The following RTL4 variants were observed in gnomAD, a reference collection of about 807,000 sequenced individuals.
RTL4 encodes the protein retrotransposon Gag-like protein 4.
A neutral mutation model predicts 5.3 loss-of-function variants in RTL4; 4 were observed. That is an observed-to-expected ratio of 0.75 (90% confidence interval 0.37 to 1.72). The LOEUF is 1.72. Ranked by LOEUF, RTL4 falls within the 40% of genes most tolerant of loss-of-function variation. The probability of loss-of-function intolerance (pLI) is 0.04; values close to 1 mark genes in which losing one functional copy is unlikely to be tolerated. For missense variants in RTL4, 260 were observed against 227.1 expected (o/e 1.14, Z -0.93); for synonymous variants, 98 against 87.3 (o/e 1.12, Z -0.68).
chrX:112,358,887 C>G, the RTL4 span, among the ~76,000 whole-genome samples: 1 of 111,674 alleles, frequency 9.0e-6, no homozygotes. Flanking sequence ...TTCATTTAGG[C>G]CAATCAGTGT....
the RTL4 span, among the ~76,000 whole-genome samples, chrX:112,284,338 A>C: frequency 9.0e-6 from 1 of 110,585 alleles, no homozygotes; most frequent in African/African-American, 3.3e-5. Flanking sequence ...TTTCTCACTT[A>C]TGGGTTGTGT....
the RTL4 span, among the ~76,000 whole-genome samples, chrX:112,329,761 T>G: frequency 9.0e-6 from 1 of 110,986 alleles, no homozygotes; most frequent in Non-Finnish European, 1.9e-5. Flanking sequence ...AAATCCTCAA[T>G]AAAATACTGG....
the RTL4 span, among the ~76,000 whole-genome samples, chrX:112,229,914 C>G: frequency 9.7e-4 from 109 of 111,993 alleles, no homozygotes; most frequent in Non-Finnish European, 1.7e-3. Flanking sequence ...GAGTACCCGG[C>G]CGTGTGAGGT....
chrX:112,215,963 G>A, the RTL4 span, among the ~76,000 whole-genome samples: 3 of 111,755 alleles, frequency 2.7e-5, no homozygotes, highest in South Asian at 1.1e-3. Flanking sequence ...TTTTTTAAAG[G>A]TTTTCAAATT....
At chrX:112,137,498 G>A in the RTL4 span, among the ~76,000 whole-genome samples, 1 of 111,725 alleles carries the variant, frequency 9.0e-6, no homozygotes, top group South Asian at 3.8e-4. Context: ...AGTGTGTGAA[G>A]GAGGAACTGT....
chrX:112,351,244 ATTTCTG>A, the RTL4 span, among the ~76,000 whole-genome samples: 1 of 108,483 alleles, frequency 9.2e-6, no homozygotes, highest in African/African-American at 3.4e-5. Context: ...GTTTGTTATA[ATTTCTG>A]TTCTTTTACA....
chrX:112,321,862 A>G, the RTL4 span, among the ~76,000 whole-genome samples: 1 of 111,573 alleles, frequency 9.0e-6, no homozygotes, highest in Admixed American at 9.6e-5. Flanking sequence ...ATATGTTTCA[A>G]TGGATTGAAC....
chrX:112,384,543 C>T, the RTL4 span, among the ~76,000 whole-genome samples: 1 of 111,235 alleles, frequency 9.0e-6, no homozygotes, highest in Non-Finnish European at 1.9e-5. Flanking sequence ...ATTTCTGAGG[C>T]CTCTGTTCCA....
the RTL4 span, among the ~76,000 whole-genome samples, chrX:112,116,955 A>G: frequency 8.9e-6 from 1 of 112,136 alleles, no homozygotes; most frequent in African/African-American, 3.2e-5. Flanking sequence ...ACTAAAGGCC[A>G]TACAAGGAGT....
At chrX:112,387,508 G>A in the RTL4 span, among the ~76,000 whole-genome samples, 1 of 110,766 alleles carries the variant, frequency 9.0e-6, no homozygotes, top group Non-Finnish European at 1.9e-5. Context: ...AAAAATCACT[G>A]CAGTCTGGCT....
At chrX:112,393,370 A>G in the RTL4 span, among the ~76,000 whole-genome samples, 4 of 109,446 alleles carry the variant, frequency 3.7e-5, no homozygotes, top group South Asian at 7.9e-4. Flanking sequence ...TCTGCCCCCA[A>G]TCAGCTGGTG....
At chrX:112,382,193 A>T in the RTL4 span, 2 of 1,190,772 alleles carry the variant, frequency 1.7e-6, no homozygotes, top group Non-Finnish European at 2.3e-6. Flanking sequence ...AGTCTTCCCC[A>T]AGGCACCAAA....
At chrX:112,434,826 A>T in the RTL4 span, among the ~76,000 whole-genome samples, 1,121 of 111,456 alleles carry the variant, frequency 0.01, 5 homozygotes, top group Middle Eastern at 0.018. Context: ...TCTTGGGTAT[A>T]TTAGTCTGTT....
chrX:112,233,972 C>G, the RTL4 span, among the ~76,000 whole-genome samples: 1 of 110,659 alleles, frequency 9.0e-6, no homozygotes, highest in African/African-American at 3.3e-5. Flanking sequence ...GCAGGCAGAT[C>G]GCAAGGTCAG....
At chrX:112,409,389 A>G in the RTL4 span, among the ~76,000 whole-genome samples, 1 of 111,623 alleles carries the variant, frequency 9.0e-6, no homozygotes, top group Non-Finnish European at 1.9e-5. Flanking sequence ...CCTCATGGTA[A>G]CCTCAAATCA....
At chrX:112,227,189 A>G in the RTL4 span, among the ~76,000 whole-genome samples, 1 of 110,484 alleles carries the variant, frequency 9.1e-6, no homozygotes, top group African/African-American at 3.3e-5. Flanking sequence ...ACTACACCTC[A>G]CTAAGCTGCA....
At chrX:112,169,092 CT>C in the RTL4 span, among the ~76,000 whole-genome samples, 1 of 37,986 alleles carries the variant, frequency 2.6e-5, no homozygotes, top group Admixed American at 3.8e-4. Flanking sequence ...TCTTTTCTTT[CT>C]TTCTTTCTTT....
upstream of RTL4, among the ~76,000 whole-genome samples, chrX:112,453,874 T>C (rs1373996379): frequency 1.8e-5 from 2 of 111,558 alleles, no homozygotes; most frequent in African/African-American, 6.5e-5. Context: ...GCACGAACCA[T>C]CATCATGTCC....
the RTL4 span, among the ~76,000 whole-genome samples, chrX:112,265,058 A>G: frequency 8.9e-6 from 1 of 111,934 alleles, no homozygotes; most frequent in South Asian, 3.7e-4. Context: ...GCCACAGCTG[A>G]CAGGTTCCAA....
Sources: gnomAD v4.1 joint callset for allele counts (sites outside exome capture counted in the v4.1 genomes callset) on GRCh38, gnomAD v4.1.1 for gene constraint, MANE v1.5 for transcripts, NCBI Gene and HGNC (gene_info 2026-07-23, HGNC 2026-07-21) for gene names.